Variants in PDE11A observed in about 807,000 individuals in gnomAD.
PDE11A encodes dual 3',5'-cyclic-AMP and -GMP phosphodiesterase 11A.
PDE11A carries 100 observed loss-of-function variants against 100.5 expected under a neutral mutation model. The observed-to-expected ratio is 1.00, with a 90% confidence interval of 0.85 to 1.18. The LOEUF is 1.18. Ranked by LOEUF, PDE11A falls within the 50% of genes most tolerant of loss-of-function variation. The pLI, the probability that PDE11A is intolerant of heterozygous loss-of-function variation, is 0.00. For missense variants in PDE11A, 1,141 were observed against 1,152.6 expected (o/e 0.99, Z 0.15); for synonymous variants, 381 against 420.8 (o/e 0.91, Z 1.16).
intron 10 of PDE11A, among the ~76,000 whole-genome samples, chr2:177,761,090 G>A (rs377069704): frequency 2.8e-4 from 43 of 152,252 alleles, no homozygotes; most frequent in African/African-American, 9.6e-4. Context: ...ATGAAGAAAC[G>A]TATTTAGTAG....
At chr2:177,671,147 G>A (rs10189110) in intron 17 of PDE11A, among the ~76,000 whole-genome samples, 5,617 of 152,248 alleles carry the variant, frequency 0.037, 363 homozygotes, top group African/African-American at 0.13. Context: ...GAATGTAAAT[G>A]TGCACATCAG....
intron 1 of PDE11A, among the ~76,000 whole-genome samples, chr2:178,032,862 G>C (rs2086566480): frequency 6.6e-6 from 1 of 151,992 alleles, no homozygotes; most frequent in South Asian, 2.1e-4. Flanking sequence ...CAACATAAAG[G>C]ACCCCCACAC....
intron 10 of PDE11A, among the ~76,000 whole-genome samples, chr2:177,736,953 G>C (rs927141007): frequency 6.6e-6 from 1 of 152,066 alleles, no homozygotes; most frequent in African/African-American, 2.4e-5. Context: ...ATAAAGCCAA[G>C]AAAGAGGCTG....
chr2:178,058,613 G>A (rs1300023198), intron 1 of PDE11A, among the ~76,000 whole-genome samples: 1 of 152,094 alleles, frequency 6.6e-6, no homozygotes, highest in Non-Finnish European at 1.5e-5. Context: ...CATGAGAATA[G>A]ACTAATACAT....
At chr2:177,639,809 A>T (rs2080112107) in intron 19 of PDE11A, among the ~76,000 whole-genome samples, 1 of 152,144 alleles carries the variant, frequency 6.6e-6, no homozygotes, top group Admixed American at 6.5e-5. Context: ...GGGACAAGGG[A>T]GGAGCAGAGA....
chr2:178,104,504 C>CA (rs2087596472), intron 1 of PDE11A: 3 of 1,577,602 alleles, frequency 1.9e-6, no homozygotes, highest in East Asian at 2.2e-5. Flanking sequence ...AACCACAAAC[C>CA]AAAAAAATAT....
intron 5 of PDE11A, among the ~76,000 whole-genome samples, chr2:177,861,571 A>C (rs891316889): frequency 2.0e-5 from 3 of 151,932 alleles, no homozygotes; most frequent in Non-Finnish European, 4.4e-5. Flanking sequence ...TGACAAGTTG[A>C]TTCTAAAATT....
intron 1 of PDE11A, among the ~76,000 whole-genome samples, chr2:178,058,147 C>T (rs1192432381): frequency 6.6e-6 from 1 of 152,092 alleles, no homozygotes; most frequent in Non-Finnish European, 1.5e-5. Context: ...TGAGCCACTG[C>T]GCCTGGCCCC....
intron 2 of PDE11A, among the ~76,000 whole-genome samples, chr2:178,000,144 G>A (rs571911012): frequency 2.0e-5 from 3 of 152,158 alleles, no homozygotes; most frequent in African/African-American, 7.2e-5. Flanking sequence ...TATTATCCAC[G>A]GCACATGTGG....
At chr2:177,766,208 T>A (rs919176585) in intron 10 of PDE11A, among the ~76,000 whole-genome samples, 5 of 152,200 alleles carry the variant, frequency 3.3e-5, no homozygotes. Flanking sequence ...TCATCAGGCA[T>A]TGGATTCTCA....
intron 2 of PDE11A, among the ~76,000 whole-genome samples, chr2:178,091,440 G>C (rs550507278): frequency 8.5e-5 from 13 of 152,324 alleles, no homozygotes; most frequent in Admixed American, 2.0e-4. Context: ...AATTGGAGCA[G>C]AAGATCCAAG....
intron 15 of PDE11A, among the ~76,000 whole-genome samples, chr2:177,694,394 C>A (rs1279355468): frequency 6.6e-6 from 1 of 152,142 alleles, no homozygotes; most frequent in African/African-American, 2.4e-5. Context: ...AGGATACAGA[C>A]TTTCCATAAA....
chr2:177,716,576 G>T (rs1406138033), intron 12 of PDE11A, among the ~76,000 whole-genome samples: 1 of 152,072 alleles, frequency 6.6e-6, no homozygotes, highest in Non-Finnish European at 1.5e-5. Flanking sequence ...GTATTTTGTT[G>T]TCATCTCTAT....
chr2:177,918,679 A>G (rs185487674), intron 2 of PDE11A, among the ~76,000 whole-genome samples: 1 of 152,340 alleles, frequency 6.6e-6, no homozygotes, highest in Admixed American at 6.5e-5. Flanking sequence ...ACTATAATAG[A>G]CATTTTTTGC....
At chr2:177,841,630 C>T (rs1255894978) in intron 5 of PDE11A, among the ~76,000 whole-genome samples, 2 of 152,210 alleles carry the variant, frequency 1.3e-5, no homozygotes, top group African/African-American at 4.8e-5. Flanking sequence ...CATTATTTAA[C>T]ATCATTAATA....
At chr2:177,851,690 A>G (rs1468798814) in intron 5 of PDE11A, among the ~76,000 whole-genome samples, 1 of 152,216 alleles carries the variant, frequency 6.6e-6, no homozygotes, top group African/African-American at 2.4e-5. Context: ...TTTGTATCCC[A>G]AACTACATCC....
At chr2:177,929,450 G>A (rs1450348900) in intron 2 of PDE11A, among the ~76,000 whole-genome samples, 2 of 152,164 alleles carry the variant, frequency 1.3e-5, no homozygotes, top group African/African-American at 2.4e-5. Flanking sequence ...ACTATACTCT[G>A]AGTAACTGTA....
At chr2:177,653,446 G>T (rs1424035182) in intron 19 of PDE11A, among the ~76,000 whole-genome samples, 5 of 152,154 alleles carry the variant, frequency 3.3e-5, no homozygotes, top group Admixed American at 6.5e-5. Flanking sequence ...TCTGTCGTGA[G>T]TTGACTCGTG....
At chr2:177,880,312 G>A (rs964405933) in intron 4 of PDE11A, among the ~76,000 whole-genome samples, 1 of 152,184 alleles carries the variant, frequency 6.6e-6, no homozygotes, top group Non-Finnish European at 1.5e-5. Context: ...TTGACCACTG[G>A]AGGAAAGGAG....
Sources: gnomAD v4.1 joint callset for allele counts (sites outside exome capture counted in the v4.1 genomes callset) on GRCh38, gnomAD v4.1.1 for gene constraint, MANE v1.5 for transcripts, NCBI Gene and HGNC (gene_info 2026-07-23, HGNC 2026-07-21) for gene names.